Variants in MAX observed in about 807,000 individuals in gnomAD.
MAX encodes the protein protein max.
A neutral mutation model predicts 22.3 loss-of-function variants in MAX; 3 were observed. The ratio of observed to expected loss-of-function variants is 0.13; its 90% CI spans 0.06 to 0.35. The LOEUF (loss-of-function observed/expected upper bound fraction) is 0.35. MAX is among the 10% of genes least tolerant of loss of function. MAX has a pLI of 1.00. For missense variants in MAX, 119 were observed against 209.4 expected, an observed-to-expected ratio of 0.57 and a Z score of 2.66; for synonymous variants, 72 against 77.7, an observed-to-expected ratio of 0.93 and a Z score of 0.39.
chr14:65,037,408 T>C lies in MAX; in HGVS notation c.172-31124A>G, dbSNP rs2062222487. Among the ~76,000 whole-genome samples, 14 of 43,142 alleles carry C rather than the reference T, an allele frequency of 3.2e-4. 1 individual carries two copies. The highest frequency in any genetic ancestry group is 5.5e-4 in the Admixed American group (2 of 3,608). The allele number at this position is 43,142 out of a possible 152,430, so 28.3% of individuals were successfully genotyped here. Reference sequence around the variant, plus strand: ...GTGAGCCACCACGCCGGGCCCTTTTTTTTTTTTTTTTTTTTTTTTTTTTTT... The same window carrying C: ...GTGAGCCACCACGCCGGGCCCTTTTCTTTTTTTTTTTTTTTTTTTTTTTTT... On this transcript the variant is annotated intron_variant, in intron 3 of 3. Coordinates refer to the MAX transcript ENST00000341653.
intron 3 of MAX, among the ~76,000 whole-genome samples, chr14:65,060,836 G>A (rs541740991): frequency 1.5e-5 from 2 of 131,454 alleles, no homozygotes; most frequent in Non-Finnish European, 3.1e-5. Flanking sequence ...TCGTGTCAAT[G>A]CACTCCAGCC....
Position 65,101,486 on chromosome 14 carries a change from A to G in MAX, c.63+60T>C, listed in dbSNP as rs2063831352. The G allele has an allele frequency of 3.5e-6, 5 of 1,423,846 alleles. No individual in the cohort carries two copies. The Admixed American group carries it at 9.1e-5, about 26-fold the overall frequency. 88.2% of individuals were successfully genotyped at this position (1,423,846 alleles called of 1,614,324 possible). On this transcript the variant is annotated intron_variant, in intron 2 of 4. Transcript: ENST00000358664. ...ATAGTACGATCTCTTTTTCTCTCTG[A>G]CCCCAAAAAGGAATAGAACTGAACG...
intron 3 of MAX, among the ~76,000 whole-genome samples, chr14:65,040,401 G>C (rs965311425): frequency 5.3e-5 from 8 of 151,430 alleles, no homozygotes; most frequent in Admixed American, 6.6e-5. Flanking sequence ...CAAGTAGGCT[G>C]TTTCTAAGTG....
downstream of MAX, among the ~76,000 whole-genome samples, chr14:65,071,768 A>G (rs767158765): frequency 1.3e-5 from 2 of 152,202 alleles, no homozygotes; most frequent in African/African-American, 2.4e-5. The surrounding 1 kb of genome is among the most constrained non-coding windows in gnomAD (Gnocchi z 4.2). Context: ...ACCGACCCCA[A>G]TGAAACACCA....
At chr14:65,015,563 T>C (rs757571411) in intron 3 of MAX, 17 of 1,583,828 alleles carry the variant, frequency 1.1e-5, no homozygotes, top group Non-Finnish European at 1.4e-5. Flanking sequence ...GATACAGCCT[T>C]GGCAGCAGTG....
rs1158792378 is a variant in MAX at position 65,076,438 on chromosome 14, A to T, written c.*38T>A. The T allele has an allele frequency of 1.2e-6, 2 of 1,612,152 alleles. No homozygotes were observed. The highest frequency in any genetic ancestry group is 3.3e-5 in the Admixed American group (2 of 60,012). ...AACTGAAAGGAGGATGAGACGATGG[A>T]GACAGACAGTTTTTATTGCTGGCCT... On this transcript the variant is annotated 3_prime_UTR_variant, in exon 5 of 5. Transcript: ENST00000358664. The surrounding 1 kb of genome is among the most constrained non-coding windows in gnomAD (Gnocchi z 6.6).
At chr14:65,036,674 C>CCTT (rs2062200093) in intron 3 of MAX, among the ~76,000 whole-genome samples, 1 of 151,712 alleles carries the variant, frequency 6.6e-6, no homozygotes. Flanking sequence ...CCCATCCTGT[C>CCTT]CTTCTTTAGC....
At chr14:65,050,296 T>G (rs1376047787) in intron 3 of MAX, among the ~76,000 whole-genome samples, 1 of 152,212 alleles carries the variant, frequency 6.6e-6, no homozygotes, top group Non-Finnish European at 1.5e-5. Context: ...TGATAACTTT[T>G]AAAAAGTAAC....
intron 3 of MAX, chr14:65,022,201 T>C (rs1023196547): frequency 5.2e-6 from 2 of 387,106 alleles, no homozygotes; most frequent in African/African-American, 2.1e-5. Flanking sequence ...TGCCAGCTCA[T>C]GCATCTTGCA....
At chr14:65,018,608 G>A (rs1291608302) in intron 3 of MAX, among the ~76,000 whole-genome samples, 2 of 151,930 alleles carry the variant, frequency 1.3e-5, no homozygotes, top group Non-Finnish European at 2.9e-5. Flanking sequence ...TCAAGAGTTC[G>A]AGACCAGCCT....
At chr14:65,061,580 C>T in intron 3 of MAX, 1 of 375,688 alleles carries the variant, frequency 2.7e-6, no homozygotes, top group Non-Finnish European at 5.0e-6. Flanking sequence ...CAGGAGGAAG[C>T]AGTCCCTCCT....
In MAX at chr14:65,037,745, TTTA is replaced by T. The variant is rs1203367959; in HGVS notation, c.172-31464_172-31462del. 1.6e-3 allele frequency among the ~76,000 whole-genome samples: 89 copies of T among 55,058 alleles called. 1 individual carries two copies. The highest frequency in any genetic ancestry group is 5.7e-3 in the African/African-American group (79 of 13,810). 36.1% of individuals were successfully genotyped at this position (55,058 alleles called of 152,430 possible). On this transcript the variant is annotated intron_variant, in intron 3 of 3. Transcript: ENST00000341653. ...CAGCCTCTTATTTATTTATTTATTA[TTTA>T]TTTATTTATTTATTTATTTATTTAT...
chr14:65,089,569 T>C (rs1368988362), intron 3 of MAX, among the ~76,000 whole-genome samples: 1 of 151,716 alleles, frequency 6.6e-6, no homozygotes, highest in Non-Finnish European at 1.5e-5. Context: ...GTTATAATCA[T>C]TCTGGCTCAG....
intron 3 of MAX, among the ~76,000 whole-genome samples, chr14:65,046,337 A>C (rs1368418731): frequency 6.6e-6 from 1 of 152,212 alleles, no homozygotes; most frequent in Non-Finnish European, 1.5e-5. Context: ...GGAACTGGTG[A>C]GGTCAAGCCC....
At position 65,076,958 on chromosome 14, in the gene MAX, G is replaced by A. The variant is rs550535889; in HGVS notation, c.296-295C>T. 16 of 561,594 alleles carry A rather than the reference G, an allele frequency of 2.8e-5. No homozygotes were observed. Among genetic ancestry groups the A allele is most frequent in the East Asian group, 9.3e-5 (3 of 32,272 alleles). The allele number at this position is 561,594 out of a possible 1,614,324, so 34.8% of individuals were successfully genotyped here. On this transcript the variant is annotated intron_variant, in intron 4 of 4. Transcript: ENST00000358664. The surrounding 1 kb of genome is among the most constrained non-coding windows in gnomAD (Gnocchi z 6.6). ...GGAAGCCCCGTGGAGAGACTGGAGC[G>A]TGAGCTCCCTGTGGGATTCAGCAGT... is the stretch of plus-strand genomic sequence containing the variant.
chr14:65,027,307 G>A lies in MAX; in HGVS notation c.172-21023C>T, dbSNP rs1384962163. ...AGAGAATTAAGCCCTTTGGGGAGAG[G>A]TTATATTCAACAAGTGGGAGGAGAG... On this transcript the variant is annotated intron_variant, in intron 3 of 3. Transcript: ENST00000341653. This position sits in a 1 kb window ranked among gnomAD's most constrained non-coding sequence, Gnocchi z 5.7. The A allele has an allele frequency of 5.5e-6, 7 of 1,280,780 alleles. No individual in the cohort carries two copies. In the Admixed American group the frequency reaches 1.5e-4, roughly 28 times the overall value. 79.3% of individuals were successfully genotyped at this position (1,280,780 alleles called of 1,614,324 possible). A position where few individuals can be genotyped will look rare whatever the true frequency, so the allele number is the denominator to read the frequency against.
rs1288690441 is a variant in MAX at position 65,008,360 on chromosome 14, G to A, written c.172-2076C>T. Among the ~76,000 whole-genome samples, 3 of 152,204 alleles carry A rather than the reference G, an allele frequency of 2.0e-5. No homozygotes were observed. In the East Asian group the frequency reaches 5.8e-4, roughly 29 times the overall value. ...TGTGTGATCCTCTCTTTCAGCAGCA[G>A]TATCTAGAGAGTCTCCAAAGGACAG... On this transcript the variant is annotated intron_variant, in intron 3 of 3. Transcript: ENST00000341653.
At chr14:65,038,702 A>G (rs1245720979) in intron 3 of MAX, among the ~76,000 whole-genome samples, 1 of 152,216 alleles carries the variant, frequency 6.6e-6, no homozygotes, top group Non-Finnish European at 1.5e-5. Context: ...TCGGCATCAG[A>G]GCGAGACTCT....
chr14:65,037,250 C>A (rs1412010289), intron 3 of MAX, among the ~76,000 whole-genome samples: 1 of 150,408 alleles, frequency 6.6e-6, no homozygotes, highest in African/African-American at 2.4e-5. Flanking sequence ...ACTACAGAAG[C>A]CCACGACCAC....
Sources: gnomAD v4.1 joint callset for allele counts (sites outside exome capture counted in the v4.1 genomes callset) on GRCh38, gnomAD v4.1.1 for gene constraint, Gnocchi (gnomAD v3.1) non-coding constraint, MANE v1.5 for transcripts, NCBI Gene and HGNC (gene_info 2026-07-23, HGNC 2026-07-21) for gene names.